ANXA13: variants seen among roughly 807,000 people sequenced by gnomAD.
ANXA13 encodes the protein annexin XIII.
A neutral mutation model predicts 46.6 loss-of-function variants in ANXA13; 36 were observed. The observed-to-expected ratio is 0.77, with a 90% CI of 0.59 to 1.02. The LOEUF is 1.02. ANXA13 is among the 50% of genes least tolerant of loss of function. The probability of loss-of-function intolerance (pLI) is 0.00; values close to 1 mark genes in which losing one functional copy is unlikely to be tolerated. For missense variants in ANXA13, 417 were observed against 396.5 expected, an observed-to-expected ratio of 1.05 and a Z score of -0.44; for synonymous variants, 163 against 152.9, an observed-to-expected ratio of 1.07 and a Z score of -0.49.
intron 1 of ANXA13, among the ~76,000 whole-genome samples, chr8:123,736,473 C>A (rs1814270466): frequency 6.6e-6 from 1 of 152,108 alleles, no homozygotes; most frequent in Admixed American, 6.5e-5. Context: ...ATTCAGGAGC[C>A]TAAACATTTC....
rs113851010 is a variant in ANXA13, at chr8:123,693,310, A to G, written c.541-12T>C. 4.1e-5 allele frequency: 66 copies of G among 1,612,192 alleles called. 1 individual carries two copies. The highest frequency in any genetic ancestry group is 3.7e-4 in the African/African-American group (28 of 74,984). ...CGGCCTTCCCCTGCCTCAAGGGTCA[A>G]ATACAAACACTTTGAAAAAGGCTTT... On this transcript the variant is annotated splice_polypyrimidine_tract_variant and intron_variant, in intron 7 of 10. Coordinates refer to ENST00000419625, the MANE Select transcript of ANXA13 (RefSeq NM_004306.4).
In ANXA13 at chr8:123,695,740, A is replaced by G; in HGVS notation, c.358-19T>C. 1 of 1,603,106 alleles carries G rather than the reference A, an allele frequency of 6.2e-7. No individual in the cohort carries two copies. Among genetic ancestry groups the G allele is most frequent in the Non-Finnish European group, 8.5e-7 (1 of 1,170,520 alleles). On this transcript the variant is annotated intron_variant, in intron 4 of 10. Transcript: ENST00000419625. ...TGATTTCCTAGGGAAGGTAATTTAC[A>G]AAAAAATCAATATTCCAAGGAGGGA...
At chr8:123,706,195 C>G (rs1179267216) in intron 2 of ANXA13, among the ~76,000 whole-genome samples, 1 of 152,208 alleles carries the variant, frequency 6.6e-6, no homozygotes, top group African/African-American at 2.4e-5. Context: ...CGGAGCTTCG[C>G]CTCCATCGTG....
intron 10 of ANXA13, among the ~76,000 whole-genome samples, chr8:123,684,205 T>C (rs1275203046): frequency 2.0e-5 from 3 of 152,222 alleles, no homozygotes; most frequent in East Asian, 1.9e-4. Context: ...CTGCAGTGTG[T>C]TCAGTTAAGG....
chr8:123,716,733 C>T (rs546976742), intron 1 of ANXA13, among the ~76,000 whole-genome samples: 31 of 152,144 alleles, frequency 2.0e-4, no homozygotes, highest in African/African-American at 5.8e-4. Flanking sequence ...AACTTCTTCT[C>T]GGGAATGTAG....
At chr8:123,714,346 T>C (rs1445295939) in intron 1 of ANXA13, among the ~76,000 whole-genome samples, 3 of 152,128 alleles carry the variant, frequency 2.0e-5, no homozygotes, top group African/African-American at 7.2e-5. Context: ...GTCTTTCCCT[T>C]GGTGGATACA....
chr8:123,709,811 G>A (rs1813620892), intron 2 of ANXA13, among the ~76,000 whole-genome samples: 1 of 152,194 alleles, frequency 6.6e-6, no homozygotes, highest in Non-Finnish European at 1.5e-5. Context: ...AGGCTGGAGT[G>A]CAGTGGTGCC....
At chr8:123,700,383 T>C (rs1383863631) in intron 3 of ANXA13, among the ~76,000 whole-genome samples, 1 of 152,232 alleles carries the variant, frequency 6.6e-6, no homozygotes, top group Non-Finnish European at 1.5e-5. Context: ...ACTCCTGGTT[T>C]TCCTGCTGAC....
In ANXA13 at chr8:123,681,358, AC is replaced by A. The variant is rs1813034305; in HGVS notation, c.832del (p.Val278TrpfsTer34). 1.1e-5 allele frequency: 17 copies of A among 1,612,736 alleles called. No homozygotes were observed. Among genetic ancestry groups the A allele is most frequent in the Non-Finnish European group, 1.4e-5 (16 of 1,179,462 alleles). ...CTTTGCTTTGATCCCCTGAAGGTCC[AC>A]CTGTAGAAAAAATAACAGCAATGGA... ...LIRIVVTRAE[V>X]DLQGIKAKFQ... is the part of the protein sequence containing the mutation. On this transcript the variant is annotated frameshift_variant and splice_region_variant, in exon 11 of 11. Transcript: ENST00000419625. LOFTEE classifies it high-confidence loss of function.
chr8:123,706,613 C>T (rs1040910746), intron 2 of ANXA13, among the ~76,000 whole-genome samples: 2 of 152,238 alleles, frequency 1.3e-5, no homozygotes, highest in Non-Finnish European at 2.9e-5. Context: ...GGATACCACC[C>T]ACATGCAAGT....
chr8:123,696,606 T>C (rs541315752), intron 4 of ANXA13, among the ~76,000 whole-genome samples: 13 of 152,136 alleles, frequency 8.5e-5, no homozygotes, highest in South Asian at 4.2e-4. Flanking sequence ...TAGGTGGTGA[T>C]TGGGAGAAGG....
intron 10 of ANXA13, among the ~76,000 whole-genome samples, chr8:123,681,779 C>A (rs549616478): frequency 1.3e-5 from 2 of 152,018 alleles, no homozygotes; most frequent in South Asian, 4.2e-4. Context: ...AACCACCATG[C>A]CTGGCTAATT....
At chr8:123,721,114 A>C (rs530302053) in intron 1 of ANXA13, among the ~76,000 whole-genome samples, 5 of 152,294 alleles carry the variant, frequency 3.3e-5, no homozygotes, top group Admixed American at 1.3e-4. Context: ...ATGTAAGTAG[A>C]ATCATGCAGT....
At chr8:123,734,634 G>A (rs1183556929) in intron 1 of ANXA13, among the ~76,000 whole-genome samples, 5 of 151,484 alleles carry the variant, frequency 3.3e-5, no homozygotes, top group African/African-American at 4.9e-5. Context: ...CAATTTCCTG[G>A]CCAATATTCT....
chr8:123,712,906 G>C (rs574263849), intron 1 of ANXA13, among the ~76,000 whole-genome samples, 153 bp from the exon 2 acceptor site: 1 of 152,318 alleles, frequency 6.6e-6, no homozygotes, highest in East Asian at 1.9e-4. Context: ...ATCAGCTGGG[G>C]AGACTCTGGC....
chr8:123,696,558 ACC>A (rs386729507), intron 4 of ANXA13, among the ~76,000 whole-genome samples: 1 of 23,990 alleles, frequency 4.2e-5, no homozygotes, highest in African/African-American at 6.6e-5. Context: ...CTGCTCCCCC[ACC>A]CCCCCCACCA....
chr8:123,719,168 A>G (rs764804741), intron 1 of ANXA13, among the ~76,000 whole-genome samples: 1 of 152,230 alleles, frequency 6.6e-6, no homozygotes, highest in Non-Finnish European at 1.5e-5. Flanking sequence ...ACTTAAGTAC[A>G]TTCATACTTG....
Position 123,693,909 on chromosome 8 carries a change from G to A in ANXA13, c.472-130C>T. On this transcript the variant is annotated intron_variant, in intron 6 of 10. Transcript: ENST00000419625. ...AGCTCAGCTCAGTTCAGCCTGGCAA[G>A]GAGGAAACACCTGCTCTTTGCTGCC... 4 of 791,676 alleles carry A rather than the reference G, an allele frequency of 5.1e-6. No homozygotes were observed. In the South Asian group the frequency reaches 6.4e-5, roughly 13 times the overall value. The allele number at this position is 791,676 out of a possible 1,614,324, so 49.0% of individuals were successfully genotyped here.
intron 1 of ANXA13, among the ~76,000 whole-genome samples, chr8:123,727,247 C>T (rs910578907): frequency 6.6e-6 from 1 of 152,192 alleles, no homozygotes; most frequent in African/African-American, 2.4e-5. Context: ...CATGGGCTAA[C>T]AGTTTTGAGA....
Sources: allele counts gnomAD v4.1 joint callset (sites outside exome capture counted in the v4.1 genomes callset), GRCh38; gene constraint gnomAD v4.1.1; transcripts MANE v1.5; gene names NCBI Gene and HGNC (gene_info 2026-07-23, HGNC 2026-07-21).